The following SH2D4B variants were observed in gnomAD, a reference collection of about 807,000 sequenced individuals.
SH2D4B encodes SH2 domain containing 4B.
In SH2D4B, 45 loss-of-function variants were observed where a neutral mutation model predicts 61.5. That is an observed-to-expected ratio of 0.73 (90% CI 0.58 to 0.94). The LOEUF (loss-of-function observed/expected upper bound fraction) is 0.94, where lower values mean the gene tolerates loss of function less well. Among genes scored for constraint, SH2D4B ranks in the 40% least tolerant of loss-of-function variants. The pLI, the probability that SH2D4B is intolerant of heterozygous loss-of-function variation, is 0.00. For missense variants in SH2D4B, 572 were observed against 574.2 expected (o/e 1.00, Z 0.04); for synonymous variants, 224 against 220.4 (o/e 1.02, Z -0.14).
At chr10:80,554,736 G>A (rs149258998) in intron 1 of SH2D4B, among the ~76,000 whole-genome samples, 134 of 152,196 alleles carry the variant, frequency 8.8e-4, no homozygotes, top group African/African-American at 3.0e-3. Context: ...ATGGCTGGGC[G>A]CGGTGGCTTA....
At chr10:80,554,512 C>A (rs1475248330) in intron 1 of SH2D4B, among the ~76,000 whole-genome samples, 2 of 151,964 alleles carry the variant, frequency 1.3e-5, no homozygotes, top group Admixed American at 1.3e-4. Flanking sequence ...GATTGTGGGG[C>A]TTGTCAAGTC....
chr10:80,643,029 C>T (rs891455893), intron 7 of SH2D4B: 10 of 152,642 alleles, frequency 6.6e-5, no homozygotes, highest in South Asian at 2.1e-4. Flanking sequence ...TCTTTTCACA[C>T]GTTTCACGGC....
At chr10:80,540,462 C>A (rs1290032715) in intron 1 of SH2D4B, among the ~76,000 whole-genome samples, 1 of 152,182 alleles carries the variant, frequency 6.6e-6, no homozygotes, top group Admixed American at 6.5e-5. Context: ...CCTTGCTGCT[C>A]CCGTGTCCCT....
intron 6 of SH2D4B, 105 bp from the exon 7 acceptor site, chr10:80,634,180 A>C: frequency 7.1e-7 from 1 of 1,408,354 alleles, no homozygotes; most frequent in Non-Finnish European, 9.3e-7. Context: ...TGTGGATGGC[A>C]TGTGCACTGA....
intron 4 of SH2D4B, among the ~76,000 whole-genome samples, chr10:80,595,170 C>T (rs928857448): frequency 6.6e-6 from 1 of 152,170 alleles, no homozygotes; most frequent in African/African-American, 2.4e-5. Context: ...GTCTCTTGGG[C>T]CCTGGCAGAC....
chr10:80,624,220 G>A (rs1842747881), intron 6 of SH2D4B, among the ~76,000 whole-genome samples: 1 of 152,184 alleles, frequency 6.6e-6, no homozygotes, highest in African/African-American at 2.4e-5. Context: ...GCTACATTAT[G>A]CAGGTGCAGG....
chr10:80,560,238 C>T (rs567588119), intron 1 of SH2D4B, among the ~76,000 whole-genome samples: 1 of 152,010 alleles, frequency 6.6e-6, no homozygotes, highest in Non-Finnish European at 1.5e-5. Flanking sequence ...CCACCTACCT[C>T]GGCCTCCCAA....
intron 3 of SH2D4B, among the ~76,000 whole-genome samples, chr10:80,577,239 T>C (rs1842136676): frequency 6.6e-6 from 1 of 152,224 alleles, no homozygotes; most frequent in African/African-American, 2.4e-5. Flanking sequence ...GGAGAGGCAC[T>C]GATCCACCAG....
intron 1 of SH2D4B, among the ~76,000 whole-genome samples, chr10:80,552,939 G>A (rs970633981): frequency 6.6e-6 from 1 of 151,548 alleles, no homozygotes; most frequent in Non-Finnish European, 1.5e-5. Flanking sequence ...CTTTGAGACG[G>A]AGTTTTGCTC....
intron 1 of SH2D4B, among the ~76,000 whole-genome samples, chr10:80,547,765 G>C (rs1289195263): frequency 6.6e-6 from 1 of 152,160 alleles, no homozygotes; most frequent in African/African-American, 2.4e-5. Context: ...CTAGGGGTGA[G>C]GGACAGTGTC....
rs538858656 is a variant in SH2D4B at position 80,567,529 on chromosome 10, A to G, written c.185-2625A>G. Among the ~76,000 whole-genome samples, 81 of 152,310 alleles carry G rather than the reference A, an allele frequency of 5.3e-4. 4 individuals are homozygous for G. The South Asian group carries it at 0.017, about 31-fold the overall frequency. On this transcript the variant is annotated intron_variant, in intron 1 of 7. Transcript: ENST00000646907. ...CTCTATCAGGTCTGAATGTGCTGAG[A>G]AGACATATCATTTAAATACCTGTCA...
chr10:80,580,406 A>T (rs139738356), intron 3 of SH2D4B, among the ~76,000 whole-genome samples: 2 of 152,278 alleles, frequency 1.3e-5, no homozygotes, highest in Admixed American at 1.3e-4. Context: ...GACTGGCCAG[A>T]ACTACTCTGT....
intron 4 of SH2D4B, among the ~76,000 whole-genome samples, chr10:80,602,615 T>C (rs1411995308): frequency 6.6e-6 from 1 of 152,064 alleles, no homozygotes; most frequent in African/African-American, 2.4e-5. Context: ...GCTCTCAAGG[T>C]CATGGGAAAC....
In SH2D4B at chr10:80,646,480, T is replaced by G. The variant is rs1298600138; in HGVS notation, c.*2395T>G. On this transcript the variant is annotated 3_prime_UTR_variant, in exon 8 of 8. Coordinates refer to ENST00000646907, the MANE Select transcript of SH2D4B (RefSeq NM_001388272.1). ...AAAATAAATCCCTTGTAAGTTGTCC[T>G]GCAAATGAAATTACTGTCTGGAAAA... 1.3e-5 allele frequency: 2 copies of G among 152,214 alleles called. No homozygotes were observed. Among genetic ancestry groups the G allele is most frequent in the East Asian group, 3.8e-4 (2 of 5,204 alleles). 9.4% of individuals were successfully genotyped at this position (152,214 alleles called of 1,614,324 possible). A position where few individuals can be genotyped will look rare whatever the true frequency, so the allele number is the denominator to read the frequency against.
chr10:80,602,655 G>A (rs1318782086), intron 4 of SH2D4B, among the ~76,000 whole-genome samples: 1 of 152,142 alleles, frequency 6.6e-6, no homozygotes, highest in Non-Finnish European at 1.5e-5. Flanking sequence ...TGGGACACCA[G>A]TGTTTCCAAC....
intron 3 of SH2D4B, among the ~76,000 whole-genome samples, chr10:80,585,569 C>T (rs1471067536): frequency 1.3e-5 from 2 of 152,236 alleles, no homozygotes; most frequent in Admixed American, 1.3e-4. Flanking sequence ...CCTGCCTTGG[C>T]CTCCCAAAGT....
intron 6 of SH2D4B, among the ~76,000 whole-genome samples, chr10:80,617,032 A>T (rs1357999408): frequency 6.6e-6 from 1 of 152,262 alleles, no homozygotes; most frequent in Non-Finnish European, 1.5e-5. Flanking sequence ...TCAGTTGCCC[A>T]TGGTTATGTT....
intron 7 of SH2D4B, among the ~76,000 whole-genome samples, chr10:80,642,784 T>G (rs1217812689): frequency 6.6e-6 from 1 of 152,246 alleles, no homozygotes; most frequent in Non-Finnish European, 1.5e-5. Context: ...GGATGGGTCC[T>G]GGAACTGGAA....
At position 80,609,431 on chromosome 10, in the gene SH2D4B, T is replaced by C; in HGVS notation, c.868T>C (p.Trp290Arg). The stretch of plus-strand genomic sequence containing the variant: ...CACTTTCTTTCTCTTCAGCAGGACC[T>C]GGGAGCGCCCGCTGCGCCCAGTCTC... Reference protein sequence around the residue: ...QPLALPVSRTWERPLRPVSRD... With the variant: ...QPLALPVSRTRERPLRPVSRD... The change falls in exon 6 of 8, where the codon TGG becomes CGG. Residue 290 changes from tryptophan (W) to arginine (R), a missense_variant. Transcript: ENST00000646907. 1 of 1,613,484 alleles carries C rather than the reference T, an allele frequency of 6.2e-7. No homozygotes were observed. The highest frequency in any genetic ancestry group is 8.5e-7 in the Non-Finnish European group (1 of 1,179,604).
Sources: gnomAD v4.1 joint callset for allele counts (sites outside exome capture counted in the v4.1 genomes callset) on GRCh38, gnomAD v4.1.1 for gene constraint, MANE v1.5 for transcripts, NCBI Gene and HGNC (gene_info 2026-07-23, HGNC 2026-07-21) for gene names.